PHACTR1: variants seen among roughly 807,000 people sequenced by gnomAD.
PHACTR1 encodes phosphatase and actin regulator 1, also known as RPEL repeat containing 1.
A neutral mutation model predicts 69.2 loss-of-function variants in PHACTR1; 16 were observed. That is an observed-to-expected ratio of 0.23 (90% CI 0.16 to 0.35). PHACTR1 has a LOEUF of 0.35. Ranked by LOEUF, PHACTR1 falls within the 10% of genes least tolerant of loss-of-function variation. PHACTR1 has a pLI of 1.00. For missense variants in PHACTR1, 510 were observed against 734.7 expected (o/e 0.69, Z 3.54); for synonymous variants, 312 against 284.5 (o/e 1.10, Z -0.97).
At chr6:12,755,269 G>A (rs1351987568) in intron 4 of PHACTR1, among the ~76,000 whole-genome samples, 1 of 152,128 alleles carries the variant, frequency 6.6e-6, no homozygotes, top group African/African-American at 2.4e-5. Flanking sequence ...TCTGAGGCAA[G>A]AGTCAGAAGA....
chr6:13,104,901 GA>G (rs1212240678), intron 5 of PHACTR1, among the ~76,000 whole-genome samples: 1 of 152,286 alleles, frequency 6.6e-6, no homozygotes, highest in East Asian at 1.9e-4. Context: ...TATTGTGTCA[GA>G]ATCTTAAAGT....
intron 4 of PHACTR1, among the ~76,000 whole-genome samples, chr6:12,804,421 G>C (rs753782846): frequency 2.2e-4 from 33 of 152,154 alleles, no homozygotes; most frequent in Non-Finnish European, 3.5e-4. Flanking sequence ...TAAAACAGAG[G>C]GTTTGGGCTT....
chr6:13,016,131 T>C (rs1313135452), intron 4 of PHACTR1, among the ~76,000 whole-genome samples: 1 of 152,256 alleles, frequency 6.6e-6, no homozygotes, highest in Non-Finnish European at 1.5e-5. Flanking sequence ...GATGTTCTTT[T>C]AGATAAATTC....
At chr6:12,937,175 T>C (rs960866216) in intron 4 of PHACTR1, among the ~76,000 whole-genome samples, 1 of 152,154 alleles carries the variant, frequency 6.6e-6, no homozygotes, top group Admixed American at 6.6e-5. Flanking sequence ...CACCTTTCTG[T>C]GTTAGGCTAG....
intron 4 of PHACTR1, among the ~76,000 whole-genome samples, chr6:12,787,977 C>T (rs988261435): frequency 5.9e-5 from 9 of 152,064 alleles, no homozygotes; most frequent in East Asian, 3.9e-4. Flanking sequence ...GCCAACATGG[C>T]GAAACCCTGT....
chr6:13,286,643 A>G (rs1781745139), intron 14 of PHACTR1, among the ~76,000 whole-genome samples: 1 of 152,260 alleles, frequency 6.6e-6, no homozygotes, highest in South Asian at 2.1e-4. Flanking sequence ...TCTCCCTGAC[A>G]GTCCAGCATC....
At chr6:12,784,827 G>A (rs976907618) in intron 4 of PHACTR1, among the ~76,000 whole-genome samples, 2 of 151,832 alleles carry the variant, frequency 1.3e-5, no homozygotes, top group African/African-American at 4.8e-5. Flanking sequence ...TGATTCTCCT[G>A]CCTCAGCCTC....
chr6:12,939,940 A>G (rs1562032674), intron 4 of PHACTR1, among the ~76,000 whole-genome samples: 1 of 152,218 alleles, frequency 6.6e-6, no homozygotes, highest in Non-Finnish European at 1.5e-5. Context: ...TTTGTGATCA[A>G]ATCCCAGATG....
chr6:13,187,032 A>C (rs1762903689), intron 7 of PHACTR1, among the ~76,000 whole-genome samples: 1 of 152,172 alleles, frequency 6.6e-6, no homozygotes, highest in Non-Finnish European at 1.5e-5. Flanking sequence ...TGCGCAGTTC[A>C]CAATAGGGTT....
At chr6:12,932,315 T>A (rs72820835) in intron 4 of PHACTR1, among the ~76,000 whole-genome samples, 1,641 of 152,202 alleles carry the variant, frequency 0.011, 17 homozygotes, top group Non-Finnish European at 0.016. Context: ...GGAAAAAAAA[T>A]TTCTCATTCA....
chr6:12,985,516 A>C (rs1796038135), intron 4 of PHACTR1, among the ~76,000 whole-genome samples: 1 of 130,632 alleles, frequency 7.7e-6, no homozygotes, highest in African/African-American at 3.3e-5. Context: ...AAGTTTGTAA[A>C]GTACTACAAA....
At chr6:12,975,902 C>T (rs548085164) in intron 4 of PHACTR1, among the ~76,000 whole-genome samples, 13 of 152,300 alleles carry the variant, frequency 8.5e-5, no homozygotes, top group African/African-American at 2.9e-4. Flanking sequence ...TCTTTAAATG[C>T]ACCAGCCAGT....
chr6:12,985,541 A>AAAAAATAT (rs1179784179), intron 4 of PHACTR1, among the ~76,000 whole-genome samples: 4 of 132,766 alleles, frequency 3.0e-5, no homozygotes, highest in African/African-American at 1.2e-4. Context: ...AAAAAAAAAA[A>AAAAAATAT]ATATATATAT....
intron 13 of PHACTR1, 120 bp from the exon 14 acceptor site, chr6:13,286,026 C>T (rs776128015): frequency 2.1e-5 from 16 of 748,156 alleles, no homozygotes; most frequent in Non-Finnish European, 3.1e-5. Context: ...ATGAAAGAAT[C>T]CATCTTAAAC....
intron 7 of PHACTR1, among the ~76,000 whole-genome samples, chr6:13,198,396 G>A (rs1764721008): frequency 6.6e-6 from 1 of 152,204 alleles, no homozygotes. Context: ...TAATAATGAG[G>A]ATGGTGATAG....
chr6:12,887,624 T>C (rs569857670), intron 4 of PHACTR1, among the ~76,000 whole-genome samples: 3 of 152,268 alleles, frequency 2.0e-5, no homozygotes, highest in African/African-American at 7.2e-5. Flanking sequence ...CCAAATGCTT[T>C]CAACAAACAT....
At chr6:12,750,688 C>A (rs1766513075) in intron 4 of PHACTR1, among the ~76,000 whole-genome samples, 1 of 152,146 alleles carries the variant, frequency 6.6e-6, no homozygotes, top group Non-Finnish European at 1.5e-5. Flanking sequence ...GTTCCCTCTG[C>A]TGCTGCTGCT....
At chr6:12,905,048 G>C (rs1161721637) in intron 4 of PHACTR1, among the ~76,000 whole-genome samples, 1 of 152,124 alleles carries the variant, frequency 6.6e-6, no homozygotes, top group African/African-American at 2.4e-5. Flanking sequence ...CTAATTCCAT[G>C]TTTCTCAACC....
chr6:13,097,939 T>C (rs986082208), intron 5 of PHACTR1, among the ~76,000 whole-genome samples: 1 of 152,196 alleles, frequency 6.6e-6, no homozygotes, highest in Admixed American at 6.5e-5. Flanking sequence ...CCTGTTACAA[T>C]AGAAGAAATG....
Sources: allele counts gnomAD v4.1 joint callset (sites outside exome capture counted in the v4.1 genomes callset), GRCh38; gene constraint gnomAD v4.1.1; transcripts MANE v1.5; gene names NCBI Gene and HGNC (gene_info 2026-07-23, HGNC 2026-07-21).